The following AGMO variants were observed in gnomAD, a reference collection of about 807,000 sequenced individuals.
The protein encoded by AGMO is alkylglycerol monooxygenase.
A neutral mutation model predicts 60.2 loss-of-function variants in AGMO; 75 were observed. The observed-to-expected ratio is 1.25, with a 90% CI of 1.03 to 1.51. The LOEUF (loss-of-function observed/expected upper bound fraction) is 1.51, where lower values mean the gene tolerates loss of function less well. Among genes scored for constraint, AGMO ranks in the 40% most tolerant of loss-of-function variants. AGMO has a pLI of 0.00. For missense variants in AGMO, 763 were observed against 525.5 expected (o/e 1.45, Z -4.42); for synonymous variants, 261 against 177.1 (o/e 1.47, Z -3.76).
rs1294856104 is a variant in AGMO, at chr7:15,244,808, T to A, written c.1264-43449A>T. On this transcript the variant is annotated intron_variant, in intron 12 of 12. Transcript: ENST00000342526. ...CTGGGACTACAGGTGCCCGCCACCA[T>A]GCGTGGCTAATTTTTTTGTATTTTT... 3.3e-5 allele frequency among the ~76,000 whole-genome samples: 5 copies of A among 151,970 alleles called. No individual in the cohort carries two copies. The South Asian group carries it at 1.0e-3, about 32-fold the overall frequency.
chr7:15,360,995 G>A (rs1334661849), intron 12 of AGMO, among the ~76,000 whole-genome samples: 1 of 152,196 alleles, frequency 6.6e-6, no homozygotes, highest in African/African-American at 2.4e-5. Context: ...CTTCACCTTA[G>A]TGATGCCAGC....
intron 10 of AGMO, among the ~76,000 whole-genome samples, chr7:15,371,608 G>T (rs1188972623): frequency 6.6e-6 from 1 of 152,168 alleles, no homozygotes; most frequent in Non-Finnish European, 1.5e-5. Flanking sequence ...TGTTGACCAG[G>T]CTTGGTCTCG....
chr7:15,241,907 G>C (rs1376616902), intron 12 of AGMO, among the ~76,000 whole-genome samples: 1 of 152,080 alleles, frequency 6.6e-6, no homozygotes, highest in Non-Finnish European at 1.5e-5. Flanking sequence ...AGTTCCTTGA[G>C]GTTACGACTG....
intron 3 of AGMO, among the ~76,000 whole-genome samples, chr7:15,541,157 T>C (rs1472816181): frequency 6.6e-6 from 1 of 152,222 alleles, no homozygotes; most frequent in South Asian, 2.1e-4. Flanking sequence ...GGTCTCGCTC[T>C]GTCACCCCAG....
the AGMO span, among the ~76,000 whole-genome samples, chr7:15,135,103 A>T: frequency 6.6e-6 from 1 of 151,460 alleles, no homozygotes; most frequent in Non-Finnish European, 1.5e-5. Context: ...TATAATTTCA[A>T]GTATATGCAT....
chr7:15,170,691 T>G, the AGMO span, among the ~76,000 whole-genome samples: 1 of 152,204 alleles, frequency 6.6e-6, no homozygotes, highest in Non-Finnish European at 1.5e-5. Flanking sequence ...GAACCAATAC[T>G]GATACATTTT....
chr7:15,219,402 C>A (rs1781846994), intron 12 of AGMO, among the ~76,000 whole-genome samples: 2 of 151,298 alleles, frequency 1.3e-5, no homozygotes, highest in Admixed American at 6.6e-5. Flanking sequence ...TAAAGTGAGA[C>A]AAGAAAGATG....
At chr7:15,410,892 A>G (rs549909601) in intron 5 of AGMO, among the ~76,000 whole-genome samples, 1 of 152,100 alleles carries the variant, frequency 6.6e-6, no homozygotes, top group Non-Finnish European at 1.5e-5. Context: ...TTAGATTGAA[A>G]TATGAACTAC....
intron 3 of AGMO, among the ~76,000 whole-genome samples, chr7:15,458,434 A>G (rs938710954): frequency 2.6e-5 from 4 of 152,196 alleles, no homozygotes; most frequent in African/African-American, 9.6e-5. Context: ...TTGCTTTCAT[A>G]GGAAAGGAAT....
At chr7:15,226,540 A>G (rs1167787450) in intron 12 of AGMO, among the ~76,000 whole-genome samples, 1 of 152,124 alleles carries the variant, frequency 6.6e-6, no homozygotes, top group Non-Finnish European at 1.5e-5. Context: ...GACTAAGCAT[A>G]TGAAGCCATG....
At chr7:15,178,209 C>G in the AGMO span, among the ~76,000 whole-genome samples, 1 of 152,124 alleles carries the variant, frequency 6.6e-6, no homozygotes, top group African/African-American at 2.4e-5. Flanking sequence ...TCTCAAATAA[C>G]TCTCTAAGAA....
chr7:15,199,412 T>C (rs995195683), downstream of AGMO, among the ~76,000 whole-genome samples: 1 of 152,190 alleles, frequency 6.6e-6, no homozygotes, highest in Non-Finnish European at 1.5e-5. Flanking sequence ...TATTAACATT[T>C]CTATTATTAA....
chr7:15,369,257 C>A (rs1783105986), intron 10 of AGMO, among the ~76,000 whole-genome samples: 2 of 152,148 alleles, frequency 1.3e-5, no homozygotes, highest in South Asian at 4.2e-4. Context: ...GTCCACCTAC[C>A]ACAGCCCCCA....
At chr7:15,486,249 A>G (rs543841076) in intron 3 of AGMO, among the ~76,000 whole-genome samples, 6 of 152,298 alleles carry the variant, frequency 3.9e-5, no homozygotes, top group African/African-American at 1.4e-4. Flanking sequence ...CAACATATCA[A>G]CGTGGAATTT....
chr7:15,212,174 T>A (rs186275276), intron 12 of AGMO, among the ~76,000 whole-genome samples: 1 of 151,796 alleles, frequency 6.6e-6, no homozygotes, highest in Admixed American at 6.6e-5. Context: ...CACAAAATAG[T>A]AACCCTTCAA....
chr7:15,493,979 T>A (rs1783152503), intron 3 of AGMO, among the ~76,000 whole-genome samples: 1 of 152,174 alleles, frequency 6.6e-6, no homozygotes, highest in African/African-American at 2.4e-5. Flanking sequence ...ACCTCATGAA[T>A]TTTTCCTTTG....
chr7:15,497,625 C>A (rs1052863886), intron 3 of AGMO, among the ~76,000 whole-genome samples: 2 of 151,976 alleles, frequency 1.3e-5, no homozygotes, highest in African/African-American at 4.8e-5. Flanking sequence ...TGTGTGCATG[C>A]ACCTTTAGTC....
chr7:15,521,854 C>G (rs904419932), intron 3 of AGMO, among the ~76,000 whole-genome samples: 11 of 152,102 alleles, frequency 7.2e-5, no homozygotes, highest in African/African-American at 2.4e-5. Context: ...CCAGGGCAAT[C>G]AGGCAAGAGA....
chr7:15,443,822 T>G (rs569705954), intron 3 of AGMO, among the ~76,000 whole-genome samples: 21 of 152,334 alleles, frequency 1.4e-4, no homozygotes, highest in Non-Finnish European at 2.8e-4. Flanking sequence ...TGTATCTTCC[T>G]CCTTCTCATG....
Sources: gnomAD v4.1 joint callset for allele counts (sites outside exome capture counted in the v4.1 genomes callset) on GRCh38, gnomAD v4.1.1 for gene constraint, MANE v1.5 for transcripts, NCBI Gene and HGNC (gene_info 2026-07-23, HGNC 2026-07-21) for gene names.